Variants in NPAS2 observed in about 807,000 individuals in gnomAD.
NPAS2 encodes neuronal PAS domain protein 2.
A neutral mutation model predicts 107.5 loss-of-function variants in NPAS2; 23 were observed. The ratio of observed to expected loss-of-function variants is 0.21; its 90% CI spans 0.15 to 0.30. NPAS2 has a LOEUF of 0.30. NPAS2 is among the 10% of genes least tolerant of loss of function. NPAS2 has a pLI of 1.00. For missense variants in NPAS2, 756 were observed against 1,043.3 expected (o/e 0.72, Z 3.79); for synonymous variants, 403 against 417.5 (o/e 0.97, Z 0.42).
intron 13 of NPAS2, 27 bp downstream of exon 13, chr2:100,974,971 T>A (rs115907938): frequency 0.016 from 25,559 of 1,611,972 alleles, 962 homozygotes; most frequent in South Asian, 0.12. Flanking sequence ...GGATGGGGAG[T>A]GGGATGTCCA....
intron 2 of NPAS2, among the ~76,000 whole-genome samples, chr2:100,922,006 A>G (rs1286652531): frequency 3.3e-5 from 5 of 152,220 alleles, no homozygotes; most frequent in Non-Finnish European, 2.9e-5. Flanking sequence ...CAGCAACATG[A>G]TGCAACTCAA....
intron 1 of NPAS2, among the ~76,000 whole-genome samples, chr2:100,834,533 A>G (rs1181691878): frequency 6.6e-6 from 1 of 152,174 alleles, no homozygotes; most frequent in East Asian, 1.9e-4. Context: ...ATTCATGCCT[A>G]TGAAGGAGAC....
At chr2:100,944,223 C>G (rs928979251) in intron 5 of NPAS2, among the ~76,000 whole-genome samples, 3 of 152,186 alleles carry the variant, frequency 2.0e-5, no homozygotes, top group Non-Finnish European at 4.4e-5. Flanking sequence ...TTCTCCAGGG[C>G]TGCTCACCAT....
intron 3 of NPAS2, among the ~76,000 whole-genome samples, chr2:100,932,583 C>A (rs1049479498): frequency 1.3e-5 from 2 of 151,156 alleles, no homozygotes; most frequent in African/African-American, 4.9e-5. Flanking sequence ...CTATTGCCTT[C>A]ATAGGTGGTA....
chr2:100,959,490 T>C (rs1353363555), intron 7 of NPAS2, among the ~76,000 whole-genome samples: 8 of 152,250 alleles, frequency 5.3e-5, no homozygotes, highest in South Asian at 4.2e-4. Flanking sequence ...TCAGAACACA[T>C]TGGGTCAAGC....
At position 100,857,583 on chromosome 2, in the gene NPAS2, C is replaced by T. The variant is rs568760777; in HGVS notation, c.-23+37169C>T. 1.3e-4 allele frequency among the ~76,000 whole-genome samples: 20 copies of T among 152,282 alleles called. No homozygotes were observed. The South Asian group carries it at 3.3e-3, about 25-fold the overall frequency. On this transcript the variant is annotated intron_variant, in intron 1 of 20. Coordinates refer to ENST00000335681, the MANE Select transcript of NPAS2 (RefSeq NM_002518.4). ...GACTTGGTAACCATTGGATAGGTCA[C>T]TAGATATGTGTTTCAGGGAGGGTTC...
intron 1 of NPAS2, among the ~76,000 whole-genome samples, chr2:100,828,757 GC>G (rs1417021398): frequency 6.6e-6 from 1 of 152,080 alleles, no homozygotes. Flanking sequence ...TGGTATATGT[GC>G]CTGTTTTTGT....
intron 1 of NPAS2, among the ~76,000 whole-genome samples, chr2:100,872,997 C>T (rs969958807): frequency 3.3e-5 from 5 of 151,732 alleles, no homozygotes; most frequent in Non-Finnish European, 5.9e-5. Context: ...TAAATGAATG[C>T]CAGTTAAAAT....
At chr2:100,907,519 CA>C (rs1322591585) in intron 2 of NPAS2, among the ~76,000 whole-genome samples, 15 of 151,684 alleles carry the variant, frequency 9.9e-5, no homozygotes, top group African/African-American at 2.9e-4. Flanking sequence ...CACACACACA[CA>C]CACCCCTAAG....
intron 1 of NPAS2, among the ~76,000 whole-genome samples, chr2:100,875,630 G>A (rs970963386): frequency 6.6e-6 from 1 of 152,184 alleles, no homozygotes; most frequent in African/African-American, 2.4e-5. Flanking sequence ...CTTGAAAGGC[G>A]CGGGCAGGGC....
At chr2:100,948,893 C>G (rs564425812) in intron 6 of NPAS2, among the ~76,000 whole-genome samples, 1 of 152,152 alleles carries the variant, frequency 6.6e-6, no homozygotes. Flanking sequence ...TCGTGAACCA[C>G]GGGTCACTTA....
chr2:100,842,870 T>C (rs1677529120), intron 1 of NPAS2, among the ~76,000 whole-genome samples: 1 of 152,288 alleles, frequency 6.6e-6, no homozygotes, highest in Non-Finnish European at 1.5e-5. Context: ...TACAGAAAAG[T>C]ACAGCTCTAT....
chr2:100,995,585 C>A lies in NPAS2; in HGVS notation c.*3C>A. The A allele has an allele frequency of 6.2e-7, 1 of 1,602,776 alleles. No individual in the cohort carries two copies. Among genetic ancestry groups the A allele is most frequent in the Non-Finnish European group, 8.5e-7 (1 of 1,174,360 alleles). ...GCCTCCAGCAGCCGCCCCGATAATG[C>A]CCCGGCACTGAAGTCGGGACACAAT... On this transcript the variant is annotated 3_prime_UTR_variant, in exon 21 of 21. Transcript: ENST00000335681.
intron 1 of NPAS2, among the ~76,000 whole-genome samples, chr2:100,884,618 A>G (rs1419221396): frequency 6.6e-6 from 1 of 152,190 alleles, no homozygotes; most frequent in African/African-American, 2.4e-5. Context: ...TGTTAATATA[A>G]GATTTATGAC....
intron 1 of NPAS2, among the ~76,000 whole-genome samples, chr2:100,856,088 A>C (rs1453842518): frequency 1.3e-5 from 2 of 152,246 alleles, no homozygotes; most frequent in Non-Finnish European, 2.9e-5. Flanking sequence ...AAGCAAAATT[A>C]AGGAGCTTTG....
intron 2 of NPAS2, among the ~76,000 whole-genome samples, chr2:100,916,739 C>T (rs1682901649): frequency 6.6e-6 from 1 of 152,160 alleles, no homozygotes; most frequent in Non-Finnish European, 1.5e-5. Context: ...ATTTATACAA[C>T]ATTCCACTCA....
chr2:100,987,093 T>C (rs1210152840), intron 16 of NPAS2: 2 of 152,222 alleles, frequency 1.3e-5, no homozygotes, highest in African/African-American at 4.8e-5. Flanking sequence ...TGCGCCACCA[T>C]GCCCAGCTAA....
chr2:100,931,705 C>T (rs1363182051), intron 3 of NPAS2, among the ~76,000 whole-genome samples: 4 of 151,994 alleles, frequency 2.6e-5, no homozygotes, highest in East Asian at 1.9e-4. Flanking sequence ...AGGATGGTCT[C>T]GATCTCCTGA....
At chr2:100,850,215 C>T (rs1291610401) in intron 1 of NPAS2, among the ~76,000 whole-genome samples, 1 of 152,064 alleles carries the variant, frequency 6.6e-6, no homozygotes, top group Non-Finnish European at 1.5e-5. Context: ...GAATTAACAT[C>T]TTCAGTATAA....
Sources: gnomAD v4.1 joint callset for allele counts (sites outside exome capture counted in the v4.1 genomes callset) on GRCh38, gnomAD v4.1.1 for gene constraint, MANE v1.5 for transcripts, NCBI Gene and HGNC (gene_info 2026-07-23, HGNC 2026-07-21) for gene names.